The following GPR155 variants were observed in gnomAD, a reference collection of about 807,000 sequenced individuals.
The protein encoded by GPR155 is lysosomal cholesterol signaling protein.
In GPR155, 65 loss-of-function variants were observed where a neutral mutation model predicts 93.1. The ratio of observed to expected loss-of-function variants is 0.70; its 90% CI spans 0.57 to 0.86. GPR155 has a LOEUF of 0.86. Ranked by LOEUF, GPR155 falls within the 40% of genes least tolerant of loss-of-function variation. The pLI, the probability that GPR155 is intolerant of heterozygous loss-of-function variation, is 0.00. For missense variants in GPR155, 838 were observed against 1,034.8 expected, an observed-to-expected ratio of 0.81 and a Z score of 2.61; for synonymous variants, 319 against 360.1, an observed-to-expected ratio of 0.89 and a Z score of 1.29.
chr2:174,485,319 G>A (rs1328302378), intron 1 of GPR155, among the ~76,000 whole-genome samples: 5 of 152,100 alleles, frequency 3.3e-5, no homozygotes, highest in Non-Finnish European at 5.9e-5. Flanking sequence ...AAAAAGGGCC[G>A]GGCGCAGTGG....
rs376169462 is a variant in GPR155, at chr2:174,448,803, C to T, written c.1877-2056G>A. On this transcript the variant is annotated intron_variant, in intron 11 of 15. Coordinates refer to ENST00000392552, the MANE Select transcript of GPR155 (RefSeq NM_152529.7). ...CCACCCGCCTCGGCCTCCCAAAGTGCTGGGATTACAGGCGTGAGCCACCGC... is the reference window on the plus strand; with the variant it reads ...CCACCCGCCTCGGCCTCCCAAAGTGTTGGGATTACAGGCGTGAGCCACCGC... Among the ~76,000 whole-genome samples the T allele has an allele frequency of 7.9e-5, 12 of 152,094 alleles. No homozygotes were observed. In the East Asian group the frequency reaches 2.3e-3, roughly 29 times the overall value.
chr2:174,478,492 T>C (rs1688229647), intron 2 of GPR155, among the ~76,000 whole-genome samples: 1 of 152,210 alleles, frequency 6.6e-6, no homozygotes. Context: ...AATGTTGGGA[T>C]TACAGGCATG....
intron 11 of GPR155, among the ~76,000 whole-genome samples, chr2:174,451,053 T>C (rs1687302561): frequency 6.6e-6 from 1 of 152,156 alleles, no homozygotes; most frequent in Non-Finnish European, 1.5e-5. Flanking sequence ...CTGACGCCTG[T>C]AATCCCAGAA....
At chr2:174,461,213 C>G (rs1687682677) in intron 9 of GPR155, among the ~76,000 whole-genome samples, 189 bp downstream of exon 9, 2 of 152,100 alleles carry the variant, frequency 1.3e-5, no homozygotes, top group Non-Finnish European at 2.9e-5. Context: ...AAATCTTCAG[C>G]TAAAAATGGA....
At chr2:174,454,996 A>G (rs943834566) in intron 10 of GPR155, among the ~76,000 whole-genome samples, 3 of 152,192 alleles carry the variant, frequency 2.0e-5, no homozygotes, top group Non-Finnish European at 2.9e-5. Context: ...CTAGTGCCCT[A>G]TCATACAGTA....
intron 8 of GPR155, 46 bp from the exon 9 acceptor site, chr2:174,461,538 G>A (rs779069371): frequency 1.9e-6 from 3 of 1,551,304 alleles, no homozygotes; most frequent in South Asian, 1.1e-5. Flanking sequence ...AGGATGAATA[G>A]TAACTGTCTA....
chr2:174,446,550 T>TAA, intron 12 of GPR155, 61 bp downstream of exon 12: 3 of 1,552,704 alleles, frequency 1.9e-6, no homozygotes, highest in Non-Finnish European at 1.8e-6. Flanking sequence ...GATGCCTGAA[T>TAA]AAAACCTTTG....
chr2:174,471,432 G>T (rs1326879789), intron 3 of GPR155, among the ~76,000 whole-genome samples: 2 of 112,376 alleles, frequency 1.8e-5, no homozygotes, highest in South Asian at 2.9e-4. Flanking sequence ...AAATCCTGTA[G>T]AAAAATAGGT....
chr2:174,460,451 C>T (rs374644855), intron 9 of GPR155, among the ~76,000 whole-genome samples: 7 of 151,974 alleles, frequency 4.6e-5, no homozygotes, highest in East Asian at 1.9e-4. Context: ...TGTAAGCCAC[C>T]GCACCCAGCC....
In GPR155 at chr2:174,431,623, T is replaced by G. The variant is rs1038401974; in HGVS notation, c.*4493A>C. On this transcript the variant is annotated 3_prime_UTR_variant, in exon 16 of 16. Transcript: ENST00000392552. ...ATACCAATTGCAGAAATTTATAATC[T>G]CATCTTTTCTTGAAGAATGATGATA... The G allele has an allele frequency of 6.6e-6, 1 of 152,234 alleles. No homozygotes were observed. Among genetic ancestry groups the G allele is most frequent in the African/African-American group, 2.4e-5 (1 of 41,468 alleles). The allele number at this position is 152,234 out of a possible 1,614,324, so 9.4% of individuals were successfully genotyped here. A position where few individuals can be genotyped will look rare whatever the true frequency, so the allele number is the denominator to read the frequency against.
chr2:174,459,759 C>T (rs528753369), intron 10 of GPR155, 119 bp downstream of exon 10: 7 of 668,306 alleles, frequency 1.0e-5, no homozygotes, highest in African/African-American at 3.6e-5. Flanking sequence ...GTGGCAGAAT[C>T]GCTTAAACAC....
At chr2:174,459,301 C>G (rs1239781848) in intron 10 of GPR155, among the ~76,000 whole-genome samples, 1 of 152,098 alleles carries the variant, frequency 6.6e-6, no homozygotes, top group Non-Finnish European at 1.5e-5. Context: ...GCTTCGTTTC[C>G]TAGTTAGGGC....
At position 174,474,190 on chromosome 2, in the gene GPR155, C is replaced by G. The variant is rs137949764; in HGVS notation, c.461-826G>C. On this transcript the variant is annotated intron_variant, in intron 2 of 15. Coordinates refer to ENST00000392552, the MANE Select transcript of GPR155 (RefSeq NM_152529.7). ...CAGCAGAGAGGATCAGTGGTCTAGC[C>G]GGAAAGTATGAACCTCAAAGCAGTT... Among the ~76,000 whole-genome samples, 21 of 152,180 alleles carry G rather than the reference C, an allele frequency of 1.4e-4. No homozygotes were observed. The East Asian group carries it at 3.9e-3, about 28-fold the overall frequency.
chr2:174,478,466 T>C (rs553497657), intron 2 of GPR155, among the ~76,000 whole-genome samples: 1 of 152,204 alleles, frequency 6.6e-6, no homozygotes, highest in African/African-American at 2.4e-5. Flanking sequence ...GGAATCCCTC[T>C]GTCTCAGCCT....
intron 7 of GPR155, among the ~76,000 whole-genome samples, chr2:174,464,114 T>C (rs1336734732): frequency 6.6e-6 from 1 of 152,246 alleles, no homozygotes; most frequent in Non-Finnish European, 1.5e-5. Context: ...GCCCTGGATG[T>C]CTCACTGAAG....
intron 1 of GPR155, among the ~76,000 whole-genome samples, chr2:174,485,720 T>C (rs1688459289): frequency 6.6e-6 from 1 of 152,198 alleles, no homozygotes; most frequent in Non-Finnish European, 1.5e-5. Context: ...TTTAAAAGTT[T>C]CATTTCATCC....
rs549558465 is a variant in GPR155 at position 174,452,544 on chromosome 2, C to G, written c.1876+1193G>C. 4.6e-5 allele frequency among the ~76,000 whole-genome samples: 7 copies of G among 152,184 alleles called. No homozygotes were observed. The South Asian group carries it at 1.4e-3, about 32-fold the overall frequency. On this transcript the variant is annotated intron_variant, in intron 11 of 15. Transcript: ENST00000392552. ...TAGTTTGATTATAAATAAGTATAAT[C>G]AACGAAAAATGCACTGCAATTCCAC... is the stretch of plus-strand genomic sequence containing the variant.
chr2:174,469,710 T>C (rs1687937970), intron 4 of GPR155, among the ~76,000 whole-genome samples: 1 of 152,202 alleles, frequency 6.6e-6, no homozygotes, highest in Non-Finnish European at 1.5e-5. Context: ...TGTAAATAAT[T>C]TTTAGGTTTC....
chr2:174,432,044 G>T lies in GPR155; in HGVS notation c.*4072C>A, dbSNP rs982977091. ...TTGGAAATGATGAAATGTATGAAAA[G>T]GACTCAATGTCATATTGACTCATTC... On this transcript the variant is annotated 3_prime_UTR_variant, in exon 16 of 16. Transcript: ENST00000392552. 1 of 152,156 alleles carries T rather than the reference G, an allele frequency of 6.6e-6. No homozygotes were observed. Among genetic ancestry groups the T allele is most frequent in the Admixed American group, 6.5e-5 (1 of 15,270 alleles). The allele number at this position is 152,156 out of a possible 1,614,324, so 9.4% of individuals were successfully genotyped here.
Sources: gnomAD v4.1 joint callset for allele counts (sites outside exome capture counted in the v4.1 genomes callset) on GRCh38, gnomAD v4.1.1 for gene constraint, MANE v1.5 for transcripts, NCBI Gene and HGNC (gene_info 2026-07-23, HGNC 2026-07-21) for gene names.